Variants in LRP1B observed in about 807,000 individuals in gnomAD.
LRP1B encodes the protein LDL receptor related protein 1B, also known as low-density lipoprotein receptor-related protein 1B.
A neutral mutation model predicts 556.6 loss-of-function variants in LRP1B; 217 were observed. The observed-to-expected ratio is 0.39, with a 90% CI of 0.35 to 0.44. The LOEUF is 0.44. Ranked by LOEUF, LRP1B falls within the 20% of genes least tolerant of loss-of-function variation. The pLI is 1.00. For synonymous variants in LRP1B, 2,047 were observed against 1,865.8 expected, an observed-to-expected ratio of 1.10 and a Z score of -2.50; for missense variants, 5,053 against 5,620.8, an observed-to-expected ratio of 0.90 and a Z score of 3.23.
intron 35 of LRP1B, among the ~76,000 whole-genome samples, chr2:140,744,413 C>T (rs1688251455): frequency 6.6e-6 from 1 of 152,092 alleles, no homozygotes; most frequent in African/African-American, 2.4e-5. Flanking sequence ...AGCCCCTAAC[C>T]CTATCTGGAG....
chr2:142,046,470 A>G (rs1704264327), intron 1 of LRP1B, among the ~76,000 whole-genome samples: 1 of 152,024 alleles, frequency 6.6e-6, no homozygotes, highest in South Asian at 2.1e-4. Context: ...TCAGGCCAAC[A>G]AATTAGGCTG....
intron 86 of LRP1B, among the ~76,000 whole-genome samples, chr2:140,266,616 C>G (rs1266222384): frequency 6.6e-6 from 1 of 151,962 alleles, no homozygotes; most frequent in African/African-American, 2.4e-5. Context: ...TCTCAGCTAC[C>G]TTGGCCTTTT....
At chr2:140,729,004 T>A (rs1687687884) in intron 35 of LRP1B, among the ~76,000 whole-genome samples, 1 of 152,034 alleles carries the variant, frequency 6.6e-6, no homozygotes, top group Non-Finnish European at 1.5e-5. Flanking sequence ...GATATGTAGA[T>A]ACTAATAAAT....
intron 14 of LRP1B, among the ~76,000 whole-genome samples, chr2:141,006,169 T>G (rs1199605744): frequency 6.6e-6 from 1 of 152,036 alleles, no homozygotes; most frequent in Non-Finnish European, 1.5e-5. Flanking sequence ...TATTTTTAAA[T>G]CGACAAGTAA....
At chr2:141,643,124 A>T (rs988563857) in intron 2 of LRP1B, among the ~76,000 whole-genome samples, 1 of 152,204 alleles carries the variant, frequency 6.6e-6, no homozygotes, top group Non-Finnish European at 1.5e-5. Context: ...TTCGCTAAGC[A>T]AAAGCAGCAG....
rs930321599 is a variant in LRP1B at position 141,903,177 on chromosome 2, T to A, written c.83-92776A>T. ...TTTTTTACTACTTTAATGATACATT[T>A]TAAAGTCAAGTCAAAGAATCTTATA... On this transcript the variant is annotated intron_variant, in intron 1 of 90. Transcript: ENST00000389484. Among the ~76,000 whole-genome samples, 6 of 152,034 alleles carry A rather than the reference T, an allele frequency of 3.9e-5. 1 individual carries two copies. Among genetic ancestry groups the A allele is most frequent in the Admixed American group, 2.6e-4 (4 of 15,214 alleles).
At chr2:141,140,960 T>C (rs1178299674) in intron 7 of LRP1B, among the ~76,000 whole-genome samples, 3 of 152,172 alleles carry the variant, frequency 2.0e-5, no homozygotes, top group African/African-American at 4.8e-5. Flanking sequence ...TGTTTAACTG[T>C]GCTGGTCCTT....
At chr2:141,544,381 TCTCCTCCTCCTCCTC>T (rs1170452147) in intron 2 of LRP1B, among the ~76,000 whole-genome samples, 1 of 79,756 alleles carries the variant, frequency 1.3e-5, no homozygotes, top group Non-Finnish European at 2.6e-5. Flanking sequence ...TTCTTCTTCT[TCTCCTCCTCCTCCTC>T]CTCCTCCTCC....
At chr2:142,039,215 A>G (rs1217434290) in intron 1 of LRP1B, among the ~76,000 whole-genome samples, 4 of 151,554 alleles carry the variant, frequency 2.6e-5, no homozygotes, top group African/African-American at 9.7e-5. Flanking sequence ...AATTTTTTTC[A>G]TGATAAATTG....
chr2:140,768,995 C>T (rs1689209250), intron 35 of LRP1B, among the ~76,000 whole-genome samples: 1 of 149,596 alleles, frequency 6.7e-6, no homozygotes, highest in South Asian at 2.1e-4. Flanking sequence ...AAGGCAATTG[C>T]AATTCAAATG....
chr2:140,521,817 A>T (rs996439538), intron 49 of LRP1B, among the ~76,000 whole-genome samples: 14 of 152,116 alleles, frequency 9.2e-5, no homozygotes, highest in Non-Finnish European at 1.8e-4. Flanking sequence ...AAAGAAAAGG[A>T]TGGAGAAAGA....
chr2:140,984,171 T>C (rs75731279), intron 17 of LRP1B, among the ~76,000 whole-genome samples: 210 of 152,024 alleles, frequency 1.4e-3, no homozygotes, highest in African/African-American at 4.9e-3. Flanking sequence ...TTAATAATTT[T>C]TCCCTTACAT....
At chr2:141,293,853 C>T (rs1686077422) in intron 3 of LRP1B, among the ~76,000 whole-genome samples, 1 of 151,896 alleles carries the variant, frequency 6.6e-6, no homozygotes, top group African/African-American at 2.4e-5. Context: ...ATTCATGTTA[C>T]TCATATCAAA....
chr2:140,975,928 A>T (rs893551821), intron 18 of LRP1B, among the ~76,000 whole-genome samples: 6 of 151,602 alleles, frequency 4.0e-5, no homozygotes, highest in Non-Finnish European at 7.4e-5. Context: ...CTATTTACTT[A>T]TGTATTATTT....
At chr2:142,083,545 A>G (rs1705798108) in intron 1 of LRP1B, among the ~76,000 whole-genome samples, 1 of 152,182 alleles carries the variant, frequency 6.6e-6, no homozygotes, top group Admixed American at 6.5e-5. Flanking sequence ...TAATATTTAG[A>G]TATGTATTTT....
chr2:142,061,875 A>G (rs1344258933), intron 1 of LRP1B, among the ~76,000 whole-genome samples: 1 of 151,944 alleles, frequency 6.6e-6, no homozygotes, highest in Non-Finnish European at 1.5e-5. Context: ...AAATTTGTGG[A>G]GGACATTTCT....
At chr2:141,612,470 G>T (rs1688139302) in intron 2 of LRP1B, among the ~76,000 whole-genome samples, 1 of 152,164 alleles carries the variant, frequency 6.6e-6, no homozygotes, top group South Asian at 2.1e-4. Flanking sequence ...AAGACAAGCT[G>T]AAGGCAGAGA....
chr2:142,061,384 G>A (rs573895928), intron 1 of LRP1B, among the ~76,000 whole-genome samples: 8 of 152,006 alleles, frequency 5.3e-5, no homozygotes, highest in South Asian at 2.1e-4. Context: ...AGTCTGTTCC[G>A]AAACACACTG....
chr2:141,119,599 G>A (rs1302996991), intron 7 of LRP1B, among the ~76,000 whole-genome samples: 1 of 151,748 alleles, frequency 6.6e-6, no homozygotes, highest in Admixed American at 6.6e-5. Flanking sequence ...GTACTTTAGT[G>A]ACAAAGGAAA....
Sources: allele counts gnomAD v4.1 joint callset (sites outside exome capture counted in the v4.1 genomes callset), GRCh38; gene constraint gnomAD v4.1.1; transcripts MANE v1.5; gene names NCBI Gene and HGNC (gene_info 2026-07-23, HGNC 2026-07-21).